Variants in DIAPH2 observed in about 807,000 individuals in gnomAD.
DIAPH2 encodes the protein protein diaphanous homolog 2.
A neutral mutation model predicts 92.7 loss-of-function variants in DIAPH2; 35 were observed. The ratio of observed to expected loss-of-function variants is 0.38; its 90% confidence interval spans 0.29 to 0.50. DIAPH2 has a LOEUF of 0.50. Ranked by LOEUF, DIAPH2 falls within the 20% of genes least tolerant of loss-of-function variation. DIAPH2 has a pLI of 0.94. For missense variants in DIAPH2, 701 were observed against 819.5 expected (o/e 0.86, Z 1.77); for synonymous variants, 301 against 280.4 (o/e 1.07, Z -0.73).
intron 26 of DIAPH2, among the ~76,000 whole-genome samples, chrX:97,507,722 C>T (rs753476971): frequency 2.5e-4 from 28 of 111,753 alleles, no homozygotes; most frequent in Non-Finnish European, 3.0e-4. Flanking sequence ...ACATTTGAAA[C>T]GACAAATCTT....
In DIAPH2 at chrX:96,820,809, G is replaced by C. The variant is rs183210701; in HGVS notation, c.448-60770G>C. On this transcript the variant is annotated intron_variant, in intron 4 of 26. Coordinates refer to ENST00000324765, the MANE Select transcript of DIAPH2 (RefSeq NM_006729.5). Reference sequence around the variant, plus strand: ...AGCAAGACAGTGAGTGCTGTGGAGAGAAAGTGCTATAAAAAGAATTAAAAT... The same window carrying C: ...AGCAAGACAGTGAGTGCTGTGGAGACAAAGTGCTATAAAAAGAATTAAAAT... Among the ~76,000 whole-genome samples, 4 of 111,686 alleles carry C rather than the reference G, an allele frequency of 3.6e-5. No individual in the cohort carries two copies. The East Asian group carries it at 8.5e-4, about 24-fold the overall frequency.
chrX:97,422,246 C>A (rs1032801698), intron 25 of DIAPH2, among the ~76,000 whole-genome samples: 36 of 110,527 alleles, frequency 3.3e-4, no homozygotes, highest in Non-Finnish European at 5.7e-4. Context: ...ACTAGGAGTT[C>A]AGATATTTAG....
chrX:97,114,848 G>A lies in DIAPH2; in HGVS notation c.2472G>A (p.Leu824=). 1 of 1,211,086 alleles carries A rather than the reference G, an allele frequency of 8.3e-7. No homozygotes were observed. Among genetic ancestry groups the A allele is most frequent in the Non-Finnish European group, 1.1e-6 (1 of 895,126 alleles). The part of the protein sequence containing the change: ...IIAVTLACEE[L]KKSESFNRLL... ...CAGTAACTCTTGCCTGTGAAGAACT[G>A]AAGAAAAGTGAAAGCTTTAACAGAC... The change falls in exon 21 of 27, where the codon CTG becomes CTA. Residue 824 remains leucine, a synonymous_variant. Transcript: ENST00000324765.
chrX:96,950,838 C>G (rs1031399826), intron 15 of DIAPH2, among the ~76,000 whole-genome samples: 1 of 111,576 alleles, frequency 9.0e-6, no homozygotes, highest in East Asian at 2.8e-4. Context: ...AGCCTAGGCT[C>G]TGACTGCTCC....
intron 26 of DIAPH2, among the ~76,000 whole-genome samples, chrX:97,491,913 A>G (rs1443259207): frequency 1.8e-5 from 2 of 111,419 alleles, no homozygotes; most frequent in African/African-American, 6.5e-5. Context: ...TGAAGCTTGC[A>G]TAGATTGTCT....
intron 24 of DIAPH2, among the ~76,000 whole-genome samples, chrX:97,374,279 T>G (rs1199938698): frequency 1.8e-5 from 2 of 111,520 alleles, no homozygotes; most frequent in African/African-American, 6.5e-5. Context: ...TTTTGTTTGG[T>G]TTAGCAGATT....
chrX:97,416,270 T>G lies in DIAPH2; in HGVS notation c.3146-13380T>G, dbSNP rs769985418. On this transcript the variant is annotated intron_variant, in intron 25 of 26. Transcript: ENST00000324765. ...AGAAGCATATACCTTCAGCTGTTTT[T>G]CTGAAGCTTGTGACAAGAGACAGGC... Among the ~76,000 whole-genome samples, 5 of 112,241 alleles carry G rather than the reference T, an allele frequency of 4.5e-5. No homozygotes were observed. The South Asian group carries it at 1.9e-3, about 42-fold the overall frequency.
At chrX:96,829,473 A>T (rs190270063) in intron 4 of DIAPH2, among the ~76,000 whole-genome samples, 58 of 108,295 alleles carry the variant, frequency 5.4e-4, no homozygotes, top group African/African-American at 1.8e-3. Flanking sequence ...AACAAGGCAA[A>T]TGATTGTGTG....
At chrX:96,815,825 C>T (rs746350870) in intron 4 of DIAPH2, among the ~76,000 whole-genome samples, 10 of 111,273 alleles carry the variant, frequency 9.0e-5, no homozygotes, top group African/African-American at 2.0e-4. Flanking sequence ...CTGCCACATC[C>T]GGCTATTTTT....
At chrX:97,117,320 G>T (rs780517309) in intron 21 of DIAPH2, among the ~76,000 whole-genome samples, 1 of 111,960 alleles carries the variant, frequency 8.9e-6, no homozygotes, top group East Asian at 2.8e-4. Context: ...AGTTAGCTTA[G>T]TTCTGTATTA....
chrX:96,786,659 C>G (rs145804515), intron 4 of DIAPH2, among the ~76,000 whole-genome samples: 78 of 111,385 alleles, frequency 7.0e-4, no homozygotes, highest in African/African-American at 2.4e-3. Context: ...GAACCCCAAA[C>G]TGAAACACCT....
At chrX:96,905,748 A>C (rs1458263861) in intron 5 of DIAPH2, among the ~76,000 whole-genome samples, 2 of 111,860 alleles carry the variant, frequency 1.8e-5, no homozygotes, top group East Asian at 2.8e-4. Context: ...TCACCATTAT[A>C]ATTTCCATAT....
intron 22 of DIAPH2, among the ~76,000 whole-genome samples, chrX:97,180,602 T>A (rs2067531334): frequency 8.9e-6 from 1 of 112,066 alleles, no homozygotes; most frequent in East Asian, 2.8e-4. Flanking sequence ...TGAATGGTAT[T>A]GCCTAGGTTT....
chrX:97,526,565 T>G (rs953851112), intron 26 of DIAPH2, among the ~76,000 whole-genome samples: 8 of 110,870 alleles, frequency 7.2e-5, no homozygotes, highest in African/African-American at 2.6e-4. Flanking sequence ...TCCAGCATAG[T>G]GCTAAGTATG....
chrX:96,845,664 A>G (rs974305137), intron 4 of DIAPH2, among the ~76,000 whole-genome samples: 1 of 112,914 alleles, frequency 8.9e-6, no homozygotes. Flanking sequence ...CTTGACAAAG[A>G]TATGAATATG....
intron 4 of DIAPH2, among the ~76,000 whole-genome samples, chrX:96,810,637 T>C (rs750163665): frequency 2.4e-4 from 27 of 111,492 alleles, no homozygotes; most frequent in African/African-American, 8.2e-4. Context: ...TCTTCTAGGG[T>C]TTTTATGGTT....
chrX:97,415,464 C>T (rs1431608578), intron 25 of DIAPH2, among the ~76,000 whole-genome samples: 1 of 111,765 alleles, frequency 8.9e-6, no homozygotes, highest in Non-Finnish European at 1.9e-5. Context: ...AAATGTCCAT[C>T]AACGATAGAC....
At position 97,060,194 on chromosome X, in the gene DIAPH2, TC is replaced by T. The variant is rs1356216423; in HGVS notation, c.2051-12742del. The stretch of plus-strand genomic sequence containing the variant: ...GCAGCCATGAGGGAAGCAACAATGA[TC>T]CCCCACAGTGATAGGACTGAAGTGG... On this transcript the variant is annotated intron_variant, in intron 17 of 26. Transcript: ENST00000324765. 2.7e-5 allele frequency among the ~76,000 whole-genome samples: 3 copies of T among 112,170 alleles called. 1 individual carries two copies. Among genetic ancestry groups the T allele is most frequent in the Non-Finnish European group, 5.6e-5 (3 of 53,276 alleles).
intron 26 of DIAPH2, among the ~76,000 whole-genome samples, chrX:97,560,745 G>A (rs896063693): frequency 1.6e-4 from 18 of 112,429 alleles, no homozygotes; most frequent in Admixed American, 1.3e-3. Context: ...CGCCTGCCTC[G>A]GCCTCCCAAA....
Sources: allele counts gnomAD v4.1 joint callset (sites outside exome capture counted in the v4.1 genomes callset), GRCh38; gene constraint gnomAD v4.1.1; transcripts MANE v1.5; gene names NCBI Gene and HGNC (gene_info 2026-07-23, HGNC 2026-07-21).